Variants in INPP5D observed in about 807,000 individuals in gnomAD.
INPP5D encodes the protein inositol polyphosphate-5-phosphatase D.
A neutral mutation model predicts 122.9 loss-of-function variants in INPP5D; 33 were observed. The observed-to-expected ratio is 0.27, with a 90% CI of 0.20 to 0.36. The LOEUF (loss-of-function observed/expected upper bound fraction) is 0.36, where lower values mean the gene tolerates loss of function less well. INPP5D is among the 10% of genes least tolerant of loss of function. The probability of loss-of-function intolerance (pLI) is 1.00; values close to 1 mark genes in which losing one functional copy is unlikely to be tolerated. For synonymous variants in INPP5D, 584 were observed against 576.2 expected (o/e 1.01, Z -0.19); for missense variants, 1,053 against 1,412.7 (o/e 0.75, Z 4.08).
At chr2:233,166,587 A>ACCTTCCCCTCCTTCCCCT (rs368030476) in intron 13 of INPP5D, among the ~76,000 whole-genome samples, 4 of 151,858 alleles carry the variant, frequency 2.6e-5, no homozygotes, top group Non-Finnish European at 5.9e-5. Flanking sequence ...GCTCACACAC[A>ACCTTCCCCTCCTTCCCCT]CCTTCCCCTC....
At chr2:233,097,548 C>T (rs1387394205) in intron 2 of INPP5D, among the ~76,000 whole-genome samples, 1 of 152,126 alleles carries the variant, frequency 6.6e-6, no homozygotes, top group Non-Finnish European at 1.5e-5. Context: ...TGCTCTGTTA[C>T]TGAGTGTGAT....
At chr2:233,154,038 A>G (rs1693987214) in intron 9 of INPP5D, among the ~76,000 whole-genome samples, 1 of 152,260 alleles carries the variant, frequency 6.6e-6, no homozygotes, top group Admixed American at 6.5e-5. Context: ...GCCCTGCTCG[A>G]CAGACCCCAC....
At chr2:233,137,578 C>T (rs527791436) in intron 5 of INPP5D, among the ~76,000 whole-genome samples, 42 of 150,810 alleles carry the variant, frequency 2.8e-4, no homozygotes, top group African/African-American at 9.7e-4. Context: ...GCCTCAGCCT[C>T]CTGAGTTGCT....
intron 8 of INPP5D, among the ~76,000 whole-genome samples, chr2:233,147,029 A>G (rs1022754689): frequency 1.3e-5 from 2 of 152,200 alleles, no homozygotes; most frequent in African/African-American, 4.8e-5. Context: ...TTTTCTGAGC[A>G]TGCCTACGCA....
chr2:233,097,525 T>C (rs1205248999), intron 2 of INPP5D, among the ~76,000 whole-genome samples: 3 of 152,226 alleles, frequency 2.0e-5, no homozygotes, highest in Non-Finnish European at 4.4e-5. Flanking sequence ...TTTCTCCATA[T>C]AGTTCTTAAA....
chr2:233,151,298 C>T (rs917400743), intron 9 of INPP5D, among the ~76,000 whole-genome samples: 4 of 143,406 alleles, frequency 2.8e-5, no homozygotes, highest in Non-Finnish European at 4.5e-5. Flanking sequence ...CACAGCAAGA[C>T]TCCATCTCTA....
intron 5 of INPP5D, among the ~76,000 whole-genome samples, chr2:233,137,483 G>A (rs1246805828): frequency 2.1e-4 from 30 of 143,390 alleles, no homozygotes; most frequent in East Asian, 1.2e-3. Context: ...AGATGGTGGC[G>A]TCTCCCTCTG....
chr2:233,201,157 G>A (rs959059375), intron 25 of INPP5D, among the ~76,000 whole-genome samples: 1 of 152,130 alleles, frequency 6.6e-6, no homozygotes, highest in African/African-American at 2.4e-5. Context: ...TTGGAGGGAG[G>A]AGAAACAGCC....
chr2:233,153,256 C>T (rs1016139535), intron 9 of INPP5D, among the ~76,000 whole-genome samples: 16 of 152,206 alleles, frequency 1.1e-4, no homozygotes, highest in African/African-American at 3.9e-4. Flanking sequence ...GAGACATGGC[C>T]TGATCGTAGC....
chr2:233,158,566 G>A (rs919389629), intron 10 of INPP5D, 147 bp downstream of exon 10: 54 of 540,444 alleles, frequency 1.0e-4, no homozygotes, highest in Non-Finnish European at 1.6e-4. Context: ...TGAACTTAGA[G>A]AAGTTGAGGA....
At chr2:233,138,302 C>CT (rs373250599) in intron 5 of INPP5D, among the ~76,000 whole-genome samples, 1 of 60,410 alleles carries the variant, frequency 1.7e-5, no homozygotes, top group African/African-American at 5.1e-5. Flanking sequence ...GTAAGATTGT[C>CT]TAAAAAAAAA....
At chr2:233,161,953 C>G in intron 11 of INPP5D, 127 bp downstream of exon 11, 1 of 1,399,316 alleles carries the variant, frequency 7.1e-7, no homozygotes, top group Non-Finnish European at 9.5e-7. Flanking sequence ...GGCCCTGCCC[C>G]TAAGCCCCAG....
chr2:233,125,646 A>G, intron 3 of INPP5D, 99 bp from the exon 4 acceptor site: 2 of 1,054,832 alleles, frequency 1.9e-6, no homozygotes, highest in East Asian at 2.6e-5. Flanking sequence ...ATGGAGATCA[A>G]TAACGTGGGT....
chr2:233,199,838 G>GAAA, intron 25 of INPP5D, among the ~76,000 whole-genome samples: 1 of 151,868 alleles, frequency 6.6e-6, no homozygotes, highest in East Asian at 1.9e-4. Flanking sequence ...CAAAAGAAAA[G>GAAA]AAAAAAAATG....
At chr2:233,150,670 C>T (rs908301140) in intron 9 of INPP5D, among the ~76,000 whole-genome samples, 11 of 152,168 alleles carry the variant, frequency 7.2e-5, no homozygotes, top group South Asian at 4.1e-4. Flanking sequence ...CAGATATTTG[C>T]GTAGCATCTT....
rs182394406 is a variant in INPP5D at position 233,178,347 on chromosome 2, G to A, written c.2071+1001G>A. ...TGAAGGAGTTCTTAATTGCCTGAAT[G>A]CTTATTCTGAAAAGCTACTGATTAG... is the stretch of plus-strand genomic sequence containing the variant. On this transcript the variant is annotated intron_variant, in intron 18 of 26. Coordinates refer to ENST00000445964, the MANE Select transcript of INPP5D (RefSeq NM_001017915.3). Among the ~76,000 whole-genome samples, 13 of 152,238 alleles carry A rather than the reference G, an allele frequency of 8.5e-5. No homozygotes were observed. In the East Asian group the frequency reaches 2.5e-3, roughly 29 times the overall value.
chr2:233,175,339 G>C (rs1051771625), intron 17 of INPP5D, among the ~76,000 whole-genome samples: 1 of 151,872 alleles, frequency 6.6e-6, no homozygotes, highest in Admixed American at 6.6e-5. Context: ...ATAAACAATG[G>C]AACTTTTATA....
rs144243823 is a variant in INPP5D, at chr2:233,186,684, C to CTTTTTTTTTTTTTTTTTTTTTTTT, written c.2358+792_2358+815dup. On this transcript the variant is annotated intron_variant, in intron 21 of 26. Transcript: ENST00000445964. ...CTTGTTTTTTTTTCTTTTTCTCTTT[C>CTTTTTTTTTTTTTTTTTTTTTTTT]TTTTTTTTTTTTTTTTTTTTTTTTT... 2.9e-4 allele frequency among the ~76,000 whole-genome samples: 13 copies of CTTTTTTTTTTTTTTTTTTTTTTTT among 44,556 alleles called. 4 individuals are homozygous for CTTTTTTTTTTTTTTTTTTTTTTTT. The highest frequency in any genetic ancestry group is 4.3e-4 in the Non-Finnish European group (10 of 23,232). The allele number at this position is 44,556 out of a possible 152,430, so 29.2% of individuals were successfully genotyped here.
chr2:233,152,939 G>C (rs1693956961), intron 9 of INPP5D, among the ~76,000 whole-genome samples: 1 of 152,220 alleles, frequency 6.6e-6, no homozygotes, highest in African/African-American at 2.4e-5. Flanking sequence ...TGGGAAGAGA[G>C]GAAGAGTGGA....
Sources: gnomAD v4.1 joint callset for allele counts (sites outside exome capture counted in the v4.1 genomes callset) on GRCh38, gnomAD v4.1.1 for gene constraint, MANE v1.5 for transcripts, NCBI Gene and HGNC (gene_info 2026-07-23, HGNC 2026-07-21) for gene names.